DRC8: variants seen among roughly 807,000 people sequenced by gnomAD.
DRC8 encodes dynein regulatory complex subunit 8.
At chr1:244,997,841 G>A in the DRC8 span, among the ~76,000 whole-genome samples, 1 of 152,098 alleles carries the variant, frequency 6.6e-6, no homozygotes, top group Admixed American at 6.6e-5. Flanking sequence ...CACTGTGTCT[G>A]GCCCTGAAAT....
the DRC8 span, among the ~76,000 whole-genome samples, chr1:245,113,854 G>C: frequency 1.3e-5 from 2 of 152,020 alleles, no homozygotes; most frequent in African/African-American, 4.8e-5. Context: ...CACACACAGA[G>C]ATTAAGGGCA....
the DRC8 span, among the ~76,000 whole-genome samples, chr1:245,114,671 A>G: frequency 6.6e-6 from 1 of 151,602 alleles, no homozygotes; most frequent in Non-Finnish European, 1.5e-5. Context: ...CAGATTTTTT[A>G]TTTCATAAAA....
chr1:244,972,549 G>A, the DRC8 span, among the ~76,000 whole-genome samples: 1 of 152,132 alleles, frequency 6.6e-6, no homozygotes, highest in Admixed American at 6.5e-5. Flanking sequence ...GGCCGGGCGC[G>A]GTGGCTCACG....
chr1:245,077,595 A>G, the DRC8 span, among the ~76,000 whole-genome samples: 2,074 of 152,324 alleles, frequency 0.014, 57 homozygotes, highest in African/African-American at 0.046. Flanking sequence ...GCTAATCCTC[A>G]GCAAGAGTGC....
chr1:245,032,143 T>C, the DRC8 span, among the ~76,000 whole-genome samples: 3 of 152,164 alleles, frequency 2.0e-5, no homozygotes, highest in Non-Finnish European at 4.4e-5. Flanking sequence ...GCGAGGTGTC[T>C]GAGAGGCAGG....
chr1:245,028,168 C>T, the DRC8 span, among the ~76,000 whole-genome samples: 9 of 152,246 alleles, frequency 5.9e-5, no homozygotes, highest in Middle Eastern at 6.8e-3. Context: ...GGATTAGAGG[C>T]GTCAGCCACC....
the DRC8 span, among the ~76,000 whole-genome samples, chr1:244,973,329 A>G: frequency 6.6e-6 from 1 of 152,222 alleles, no homozygotes; most frequent in African/African-American, 2.4e-5. Context: ...AAGAAAGGAT[A>G]ATTTTGAAGG....
the DRC8 span, chr1:245,059,440 G>C: frequency 4.3e-6 from 7 of 1,612,776 alleles, no homozygotes; most frequent in Non-Finnish European, 5.9e-6. Flanking sequence ...AAGGAGAGCT[G>C]CATGATCTGA....
chr1:245,072,861 G>C, the DRC8 span, among the ~76,000 whole-genome samples: 1 of 151,988 alleles, frequency 6.6e-6, no homozygotes, highest in Non-Finnish European at 1.5e-5. Context: ...ACTCTCTCTT[G>C]CTCCTGTTCT....
the DRC8 span, chr1:245,087,578 ATTC>A: frequency 1.4e-5 from 16 of 1,160,130 alleles, 1 homozygote; most frequent in South Asian, 4.5e-4. Flanking sequence ...TTTAAAAACT[ATTC>A]TTAAAACATT....
chr1:245,047,003 T>C, the DRC8 span, among the ~76,000 whole-genome samples: 2 of 152,220 alleles, frequency 1.3e-5, no homozygotes, highest in Non-Finnish European at 2.9e-5. Context: ...GCTGATGAGC[T>C]GAGCCTGGGG....
At chr1:244,991,953 G>T in the DRC8 span, among the ~76,000 whole-genome samples, 1 of 152,146 alleles carries the variant, frequency 6.6e-6, no homozygotes, top group Non-Finnish European at 1.5e-5. Context: ...TTTATAGAAG[G>T]CCTTTAACAT....
the DRC8 span, among the ~76,000 whole-genome samples, chr1:245,113,627 A>T: frequency 6.6e-6 from 1 of 152,204 alleles, no homozygotes. Flanking sequence ...ATACAATACG[A>T]ACATTAACGT....
the DRC8 span, among the ~76,000 whole-genome samples, chr1:244,983,936 C>G: frequency 6.6e-6 from 1 of 151,808 alleles, no homozygotes; most frequent in African/African-American, 2.4e-5. Flanking sequence ...GATCCTCATC[C>G]TCTACCCACT....
the DRC8 span, chr1:245,082,081 A>T: frequency 2.5e-6 from 4 of 1,604,462 alleles, no homozygotes; most frequent in Admixed American, 6.7e-5. Context: ...TTGAATGTTT[A>T]GGTAGAGGAA....
the DRC8 span, among the ~76,000 whole-genome samples, chr1:245,075,147 A>G: frequency 2.0e-5 from 3 of 152,204 alleles, no homozygotes; most frequent in Non-Finnish European, 2.9e-5. Flanking sequence ...TGGGTTCAGC[A>G]TTAAAATAAA....
At chr1:245,054,117 A>G in the DRC8 span, among the ~76,000 whole-genome samples, 2,178 of 152,160 alleles carry the variant, frequency 0.014, 45 homozygotes, top group African/African-American at 0.049. Flanking sequence ...GTTCCTCTCC[A>G]GACACCCCTT....
At chr1:245,086,079 A>G in the DRC8 span, among the ~76,000 whole-genome samples, 1 of 152,344 alleles carries the variant, frequency 6.6e-6, no homozygotes, top group Non-Finnish European at 1.5e-5. Flanking sequence ...AATTTCGAAA[A>G]TGGTATGTTT....
the DRC8 span, among the ~76,000 whole-genome samples, chr1:245,015,432 C>T: frequency 2.8e-4 from 42 of 152,214 alleles, no homozygotes; most frequent in Admixed American, 1.5e-3. Context: ...CAGAATCTGC[C>T]GGGCGCGGTG....
Sources: allele counts gnomAD v4.1 joint callset (sites outside exome capture counted in the v4.1 genomes callset), GRCh38; gene constraint gnomAD v4.1.1; transcripts MANE v1.5; gene names NCBI Gene and HGNC (gene_info 2026-07-23, HGNC 2026-07-21).